Variants in TMEM121B observed in about 807,000 individuals in gnomAD.
TMEM121B encodes cat eye syndrome chromosome region, candidate 6.
In TMEM121B, 14 loss-of-function variants were observed where a neutral mutation model predicts 25.1. That is an observed-to-expected ratio of 0.56 (90% CI 0.37 to 0.87). The LOEUF is 0.87. TMEM121B is among the 40% of genes least tolerant of loss of function. The pLI, the probability that TMEM121B is intolerant of heterozygous loss-of-function variation, is 0.00. For missense variants in TMEM121B, 850 were observed against 854.6 expected (o/e 0.99, Z 0.07); for synonymous variants, 458 against 420.9 (o/e 1.09, Z -1.08).
At position 17,120,664 on chromosome 22, in the gene TMEM121B, C is replaced by G. The variant is rs1249508958; in HGVS notation, c.464G>C (p.Gly155Ala). Reference protein sequence around the residue: ...AVGGPGSRSAGGAGGTGTGSG... With the variant: ...AVGGPGSRSAAGAGGTGTGSG... ...GCCGGTCCCGGTGCCGCCCGCGCCC[C>G]CCGCCGAGCGGCTCCCGGGGCCCCC... Residue 155 changes from glycine (G) to alanine (A), a missense_variant, in exon 1 of 1, where the codon GGG (glycine) becomes GCG (alanine). Physicochemically the swap from Gly to Ala is moderately conservative, Grantham distance 60 (BLOSUM62 0). Coordinates refer to ENST00000331437, the MANE Select transcript of TMEM121B (RefSeq NM_031890.4). 3 of 1,183,788 alleles carry G rather than the reference C, an allele frequency of 2.5e-6. No individual in the cohort carries two copies. The highest frequency in any genetic ancestry group is 3.1e-6 in the Non-Finnish European group (3 of 958,700). The allele number at this position is 1,183,788 out of a possible 1,614,324, so 73.3% of individuals were successfully genotyped here.
chr22:17,120,559 C>A lies in TMEM121B; in HGVS notation c.569G>T (p.Cys190Phe). 1 of 1,500,332 alleles carries A rather than the reference C, an allele frequency of 6.7e-7. No homozygotes were observed. The highest frequency in any genetic ancestry group is 8.9e-7 in the Non-Finnish European group (1 of 1,128,702). The allele number at this position is 1,500,332 out of a possible 1,614,324, so 92.9% of individuals were successfully genotyped here. Reference sequence around the variant, plus strand: ...CCAGCGGCACCTGGGACTGGGGGCGCAGCCGCGGCGCCGACCTCTGCGGCC... The same window carrying A: ...CCAGCGGCACCTGGGACTGGGGGCGAAGCCGCGGCGCCGACCTCTGCGGCC... ...RPGRRGRRRG[C>F]APSPRCRWGY... Residue 190 changes from cysteine (C) to phenylalanine (F), a missense_variant, in exon 1 of 1, where the codon TGC (cysteine) becomes TTC (phenylalanine). By Grantham distance (205) the Cys-to-Phe change is radical (BLOSUM62 -2). Coordinates refer to ENST00000331437, the MANE Select transcript of TMEM121B (RefSeq NM_031890.4).
chr22:17,121,120 G>A lies in TMEM121B; in HGVS notation c.8C>T (p.Pro3Leu), dbSNP rs745633976. MR[P>L]ALGHPRSVSS... ...GACCGAGCGAGGGTGGCCGAGCGCC[G>A]GGCGCATTGTCCTCCGAGGGGCTCT... Residue 3 changes from proline to leucine, a missense_variant, in exon 1 of 1, where the codon CCG (proline) becomes CTG (leucine). Coordinates refer to ENST00000331437, the MANE Select transcript of TMEM121B (RefSeq NM_031890.4). The A allele has an allele frequency of 3.4e-5, 47 of 1,378,956 alleles. No homozygotes were observed. Among genetic ancestry groups the A allele is most frequent in the Non-Finnish European group, 4.2e-5 (45 of 1,065,276 alleles). The allele number at this position is 1,378,956 out of a possible 1,614,324, so 85.4% of individuals were successfully genotyped here.
chr22:17,119,718 G>A lies in TMEM121B; in HGVS notation c.1410C>T (p.Arg470=), dbSNP rs758856625. 1.2e-5 allele frequency: 18 copies of A among 1,542,182 alleles called. No individual in the cohort carries two copies. The highest frequency in any genetic ancestry group is 9.4e-5 in the South Asian group (8 of 84,834). The change falls in exon 1 of 1, where the codon CGC becomes CGT. Residue 470 remains arginine, a synonymous_variant. Coordinates refer to ENST00000331437, the MANE Select transcript of TMEM121B (RefSeq NM_031890.4). ...SGPGSCSRLL[R]LLGGCLVDVP... ...CGTCCACCAGGCAGCCGCCCAGCAG[G>A]CGCAGAAGGCGGCTGCAGCTGCCAG... is the stretch of plus-strand genomic sequence containing the variant.
At position 17,120,761 on chromosome 22, in the gene TMEM121B, TGGA is replaced by T. The variant is rs2061495373; in HGVS notation, c.364_366del (p.Ser122del). The T allele has an allele frequency of 9.8e-7, 1 of 1,024,726 alleles. No individual in the cohort carries two copies. Among genetic ancestry groups the T allele is most frequent in the East Asian group, 7.5e-5 (1 of 13,340 alleles). The allele number at this position is 1,024,726 out of a possible 1,614,324, so 63.5% of individuals were successfully genotyped here. On this transcript the variant is annotated inframe_deletion, in exon 1 of 1. Coordinates refer to ENST00000331437, the MANE Select transcript of TMEM121B (RefSeq NM_031890.4). ...CTGCAGGAGGAGGTGGGCGTGGAGG[TGGA>T]GGAGGAGGTGGCCGCTGAGGAGGAG... is the stretch of plus-strand genomic sequence containing the variant.
Position 17,116,940 on chromosome 22 carries a change from T to C in TMEM121B, c.*2451A>G, listed in dbSNP as rs2061472537. 1 of 152,228 alleles carries C rather than the reference T, an allele frequency of 6.6e-6. No homozygotes were observed. The highest frequency in any genetic ancestry group is 6.5e-5 in the Admixed American group (1 of 15,284). The allele number at this position is 152,228 out of a possible 1,614,324, so 9.4% of individuals were successfully genotyped here. On this transcript the variant is annotated 3_prime_UTR_variant, in exon 1 of 1. Coordinates refer to ENST00000331437, the MANE Select transcript of TMEM121B (RefSeq NM_031890.4). ...ACATATCCAGGGAAGTGGCAGCTCA[T>C]TGGAACTTATCACAGCCTCCCACCA...
rs1334559200 is a variant in TMEM121B at position 17,121,017 on chromosome 22, GA to G, written c.110del (p.Phe37SerfsTer96). The G allele has an allele frequency of 6.8e-7, 1 of 1,470,048 alleles. No individual in the cohort carries two copies. The highest frequency in any genetic ancestry group is 1.3e-5 in the South Asian group (1 of 78,050). The allele number at this position is 1,470,048 out of a possible 1,614,324, so 91.1% of individuals were successfully genotyped here. A position where few individuals can be genotyped will look rare whatever the true frequency, so the allele number is the denominator to read the frequency against. On this transcript the variant is annotated frameshift_variant, in exon 1 of 1. Coordinates refer to ENST00000331437, the MANE Select transcript of TMEM121B (RefSeq NM_031890.4). LOFTEE classifies it high-confidence loss of function. ...LQPLFLRGGS[F>X]RGRRGSGDSS... The stretch of plus-strand genomic sequence containing the variant: ...TGTCGCCGGAGCCTCTCCGGCCGCG[GA>G]AGGAGCCCCCGCGGAGGAAGAGGGG...
At position 17,119,651 on chromosome 22, in the gene TMEM121B, G is replaced by C; in HGVS notation, c.1477C>G (p.Gln493Glu). The C allele has an allele frequency of 6.5e-7, 1 of 1,542,386 alleles. No homozygotes were observed. Among genetic ancestry groups the C allele is most frequent in the Non-Finnish European group, 8.7e-7 (1 of 1,150,516 alleles). ...AGCATGAAGATGGAGAGGGGCTGCT[G>C]GTAGCTGACCACCAGGAGGCAGCGC... ...ALRCLLVVSY[Q>E]QPLSIFMLKN... Residue 493 changes from glutamine to glutamate, a missense_variant, in exon 1 of 1, where the codon CAG (glutamine) becomes GAG (glutamate). Gln to Glu is a conservative substitution (Grantham distance 29). Coordinates refer to ENST00000331437, the MANE Select transcript of TMEM121B (RefSeq NM_031890.4).
chr22:17,116,864 A>C lies in TMEM121B; in HGVS notation c.*2527T>G, dbSNP rs1313454912. 2 of 152,446 alleles carry C rather than the reference A, an allele frequency of 1.3e-5. No individual in the cohort carries two copies. The highest frequency in any genetic ancestry group is 2.9e-5 in the Non-Finnish European group (2 of 68,208). The allele number at this position is 152,446 out of a possible 1,614,324, so 9.4% of individuals were successfully genotyped here. A position where few individuals can be genotyped will look rare whatever the true frequency, so the allele number is the denominator to read the frequency against. On this transcript the variant is annotated 3_prime_UTR_variant, in exon 1 of 1. Transcript: ENST00000331437. ...TGTAAAAGAGGGTGACTGGGGCTGA[A>C]CTGGGGGCCTGATATCTGCCAGAAT...
chr22:17,120,169 A>T lies in TMEM121B; in HGVS notation c.959T>A (p.Ile320Asn). Reference sequence around the variant, plus strand: ...CTTGGGAGTGAAGGCGATGGAGTAGATAAGCCAGGCCAGGTAGGCGAAGGC... The same window carrying T: ...CTTGGGAGTGAAGGCGATGGAGTAGTTAAGCCAGGCCAGGTAGGCGAAGGC... ...EFAFAYLAWLIYSIAFTPKVV... is the reference protein window; with the variant it reads ...EFAFAYLAWLNYSIAFTPKVV... The change falls in exon 1 of 1, where the codon ATC becomes AAC. Residue 320 changes from isoleucine to asparagine, a missense_variant. Transcript: ENST00000331437. 6.3e-7 allele frequency: 1 copy of T among 1,599,672 alleles called. No individual in the cohort carries two copies. The highest frequency in any genetic ancestry group is 8.5e-7 in the Non-Finnish European group (1 of 1,175,316).
chr22:17,120,590 G>A lies in TMEM121B; in HGVS notation c.538C>T (p.Arg180Cys), dbSNP rs1416177332. The stretch of plus-strand genomic sequence containing the variant: ...CGGCGCCGACCTCTGCGGCCGGGGC[G>A]GTCTGGGCAGCCGCAGCAGCAGCAA... Reference protein sequence around the residue: ...PCCCCCGCPDRPGRRGRRRGC... With the variant: ...PCCCCCGCPDCPGRRGRRRGC... Residue 180 changes from arginine (R) to cysteine (C), a missense_variant, in exon 1 of 1, where the codon CGC becomes TGC. By Grantham distance (180) the Arg-to-Cys change is radical. Coordinates refer to ENST00000331437, the MANE Select transcript of TMEM121B (RefSeq NM_031890.4). The A allele has an allele frequency of 2.1e-6, 3 of 1,424,420 alleles. No homozygotes were observed. Among genetic ancestry groups the A allele is most frequent in the South Asian group, 1.4e-5 (1 of 70,980 alleles). 88.2% of individuals were successfully genotyped at this position (1,424,420 alleles called of 1,614,324 possible). A position where few individuals can be genotyped will look rare whatever the true frequency, so the allele number is the denominator to read the frequency against.
rs2061483663 is a variant in TMEM121B at position 17,119,331 on chromosome 22, G to A, written c.*60C>T. On this transcript the variant is annotated 3_prime_UTR_variant, in exon 1 of 1. Coordinates refer to ENST00000331437, the MANE Select transcript of TMEM121B (RefSeq NM_031890.4). ...CCTGATCAAATCTAGGTGACAGAAG[G>A]TAGAAGACAAGGGGGTTGGGGACTC... 1 of 1,525,298 alleles carries A rather than the reference G, an allele frequency of 6.6e-7. No individual in the cohort carries two copies. 94.5% of individuals were successfully genotyped at this position (1,525,298 alleles called of 1,614,324 possible). A position where few individuals can be genotyped will look rare whatever the true frequency, so the allele number is the denominator to read the frequency against.
rs925847548 is a variant in TMEM121B at position 17,118,006 on chromosome 22, T to C, written c.*1385A>G. On this transcript the variant is annotated 3_prime_UTR_variant, in exon 1 of 1. Transcript: ENST00000331437. ...CAAGTTTCACCCCCACCACATCCTGTTGAGGGTGGAGGGAAGTGAGTATTT... is the reference window on the plus strand; with the variant it reads ...CAAGTTTCACCCCCACCACATCCTGCTGAGGGTGGAGGGAAGTGAGTATTT... 6.6e-6 allele frequency: 1 copy of C among 152,078 alleles called. No individual in the cohort carries two copies. The highest frequency in any genetic ancestry group is 2.1e-4 in the South Asian group (1 of 4,818). The allele number at this position is 152,078 out of a possible 1,614,324, so 9.4% of individuals were successfully genotyped here.
chr22:17,120,585 G>T lies in TMEM121B; in HGVS notation c.543C>A (p.Pro181=), dbSNP rs775545515. The T allele has an allele frequency of 2.1e-6, 3 of 1,445,268 alleles. No individual in the cohort carries two copies. The highest frequency in any genetic ancestry group is 9.1e-7 in the Non-Finnish European group (1 of 1,100,542). The allele number at this position is 1,445,268 out of a possible 1,614,324, so 89.5% of individuals were successfully genotyped here. A position where few individuals can be genotyped will look rare whatever the true frequency, so the allele number is the denominator to read the frequency against. The part of the protein sequence containing the change: ...CCCCCGCPDR[P]GRRGRRRGCA... ...AGCCGCGGCGCCGACCTCTGCGGCC[G>T]GGGCGGTCTGGGCAGCCGCAGCAGC... Residue 181 remains proline (P), a synonymous_variant, in exon 1 of 1, where the codon CCC becomes CCA. Coordinates refer to ENST00000331437, the MANE Select transcript of TMEM121B (RefSeq NM_031890.4).
At position 17,120,637 on chromosome 22, in the gene TMEM121B, C is replaced by A. The variant is rs1451382172; in HGVS notation, c.491G>T (p.Ser164Ile). 3 of 1,224,606 alleles carry A rather than the reference C, an allele frequency of 2.4e-6. No homozygotes were observed. In the African/African-American group the frequency reaches 4.8e-5, roughly 19 times the overall value. 75.9% of individuals were successfully genotyped at this position (1,224,606 alleles called of 1,614,324 possible). ...GCAACACGGGCAGCAGGAGGCGCCG[C>A]TGCCGGTCCCGGTGCCGCCCGCGCC... ...AGGAGGTGTGSGASCCPCCCC... is the reference protein window; with the variant it reads ...AGGAGGTGTGIGASCCPCCCC... The change falls in exon 1 of 1, where the codon AGC (serine) becomes ATC (isoleucine). Residue 164 changes from serine (S) to isoleucine (I), a missense_variant. Physicochemically the swap from Ser to Ile is moderately radical, Grantham distance 142 (BLOSUM62 -2). Transcript: ENST00000331437.
chr22:17,121,077 G>T lies in TMEM121B; in HGVS notation c.51C>A (p.Ser17=). Residue 17 remains serine (S), a synonymous_variant, in exon 1 of 1, where the codon TCC becomes TCA. Coordinates refer to ENST00000331437, the MANE Select transcript of TMEM121B (RefSeq NM_031890.4). ...HPRSVSSASG[S]FPPPPAAARL... is the part of the protein sequence containing the mutation. ...GGGCGGCTGCCGGGGGCGGCGGGAA[G>T]GAACCGGACGCGGAGGAGACCGAGC... The T allele has an allele frequency of 6.9e-7, 1 of 1,448,788 alleles. No homozygotes were observed. The highest frequency in any genetic ancestry group is 9.1e-7 in the Non-Finnish European group (1 of 1,101,410). The allele number at this position is 1,448,788 out of a possible 1,614,324, so 89.7% of individuals were successfully genotyped here. A position where few individuals can be genotyped will look rare whatever the true frequency, so the allele number is the denominator to read the frequency against.
rs1256192690 is a variant in TMEM121B, at chr22:17,120,742, G to A, written c.386C>T (p.Ser129Phe). The change falls in exon 1 of 1, where the codon TCC (serine) becomes TTC (phenylalanine). Residue 129 changes from serine (S) to phenylalanine (F), a missense_variant. Coordinates refer to ENST00000331437, the MANE Select transcript of TMEM121B (RefSeq NM_031890.4). Reference sequence around the variant, plus strand: ...GAAGTCCGCGGCTGTCATGCTGCAGGAGGAGGTGGGCGTGGAGGTGGAGGA... The same window carrying A: ...GAAGTCCGCGGCTGTCATGCTGCAGAAGGAGGTGGGCGTGGAGGTGGAGGA... ...TSSSTSTPTS[S>F]CSMTAADFGG... 1 of 1,211,140 alleles carries A rather than the reference G, an allele frequency of 8.3e-7. No individual in the cohort carries two copies. The highest frequency in any genetic ancestry group is 1.0e-6 in the Non-Finnish European group (1 of 975,278). 75.0% of individuals were successfully genotyped at this position (1,211,140 alleles called of 1,614,324 possible). A position where few individuals can be genotyped will look rare whatever the true frequency, so the allele number is the denominator to read the frequency against.
rs779005459 is a variant in TMEM121B at position 17,120,947 on chromosome 22, G to A, written c.181C>T (p.Arg61Cys). Residue 61 changes from arginine to cysteine, a missense_variant, in exon 1 of 1, where the codon CGC becomes TGC. Physicochemically the swap from Arg to Cys is radical, Grantham distance 180. Transcript: ENST00000331437. ...STSRGGGGGR[R>C]GGGGGSPSSS... The stretch of plus-strand genomic sequence containing the variant: ...CTCGGGGAGCCGCCGCCCCCGCCGC[G>A]TCTGCCGCCGCCTCCCCCGCGGCTG... The A allele has an allele frequency of 3.5e-6, 5 of 1,414,954 alleles. No individual in the cohort carries two copies. The South Asian group carries it at 7.2e-5, about 20-fold the overall frequency. The allele number at this position is 1,414,954 out of a possible 1,614,324, so 87.6% of individuals were successfully genotyped here. A position where few individuals can be genotyped will look rare whatever the true frequency, so the allele number is the denominator to read the frequency against.
chr22:17,120,751 G>C lies in TMEM121B; in HGVS notation c.377C>G (p.Pro126Arg). ...GGCTGTCATGCTGCAGGAGGAGGTG[G>C]GCGTGGAGGTGGAGGAGGAGGTGGC... is the stretch of plus-strand genomic sequence containing the variant. ...SAATSSSTST[P>R]TSSCSMTAAD... The change falls in exon 1 of 1, where the codon CCC becomes CGC. Residue 126 changes from proline to arginine, a missense_variant. Transcript: ENST00000331437. 8.2e-7 allele frequency: 1 copy of C among 1,214,794 alleles called. No homozygotes were observed. The highest frequency in any genetic ancestry group is 1.0e-6 in the Non-Finnish European group (1 of 977,618). 75.3% of individuals were successfully genotyped at this position (1,214,794 alleles called of 1,614,324 possible).
Position 17,120,367 on chromosome 22 carries a change from C to T in TMEM121B, c.761G>A (p.Gly254Asp). The change falls in exon 1 of 1, where the codon GGC becomes GAC. Residue 254 changes from glycine to aspartate, a missense_variant. By Grantham distance (94) the Gly-to-Asp change is moderately conservative. Coordinates refer to ENST00000331437, the MANE Select transcript of TMEM121B (RefSeq NM_031890.4). ...GTTGTGCGCGCCGCTGGCTGCGCCG[C>T]CCCGACGGCCCCGGCTGTTCTTGGC... The part of the protein sequence containing the change: ...FFAKNSRGRR[G>D]GAASGAHNHH... 1 of 1,543,120 alleles carries T rather than the reference C, an allele frequency of 6.5e-7. No individual in the cohort carries two copies.
Sources: gnomAD v4.1 joint callset for allele counts on GRCh38, gnomAD v4.1.1 for gene constraint, MANE v1.5 for transcripts, NCBI Gene and HGNC (gene_info 2026-07-23, HGNC 2026-07-21) for gene names.